Variants in TNNI3K observed in about 807,000 individuals in gnomAD.
TNNI3K encodes serine/threonine-protein kinase TNNI3K.
TNNI3K carries 140 observed loss-of-function variants against 114.5 expected under a neutral mutation model. The observed-to-expected ratio is 1.22, with a 90% CI of 1.07 to 1.41. The LOEUF (loss-of-function observed/expected upper bound fraction) is 1.41. Ranked by LOEUF, TNNI3K falls within the 40% of genes most tolerant of loss-of-function variation. TNNI3K has a pLI of 0.00. For missense variants in TNNI3K, 1,125 were observed against 1,007.6 expected, an observed-to-expected ratio of 1.12 and a Z score of -1.58; for synonymous variants, 347 against 347.5, an observed-to-expected ratio of 1.00 and a Z score of 0.02.
At chr1:74,295,326 T>C (rs962337570) in intron 5 of TNNI3K, among the ~76,000 whole-genome samples, 2 of 152,172 alleles carry the variant, frequency 1.3e-5, no homozygotes, top group Non-Finnish European at 2.9e-5. Context: ...ATGAAAAATA[T>C]GTCCATTCTT....
intron 21 of TNNI3K, chr1:74,480,523 C>A (rs762541214): frequency 1.4e-6 from 1 of 717,502 alleles, no homozygotes; most frequent in Non-Finnish European, 2.6e-6. Context: ...GAGGCAGGGG[C>A]CGGAAGGCAT....
chr1:74,477,649 AATGG>A (rs1668270672), intron 21 of TNNI3K, among the ~76,000 whole-genome samples: 1 of 152,184 alleles, frequency 6.6e-6, no homozygotes, highest in African/African-American at 2.4e-5. Context: ...ATTGTGTCTG[AATGG>A]CAGGGACCCA....
At position 74,235,805 on chromosome 1, in the gene TNNI3K, C is replaced by T. The variant is rs141022827; in HGVS notation, c.41-297C>T. Among the ~76,000 whole-genome samples the T allele has an allele frequency of 2.1e-4, 31 of 150,698 alleles. No homozygotes were observed. The East Asian group carries it at 5.4e-3, about 26-fold the overall frequency. On this transcript the variant is annotated intron_variant, in intron 1 of 24. Coordinates refer to ENST00000326637, the MANE Select transcript of TNNI3K (RefSeq NM_015978.3). The stretch of plus-strand genomic sequence containing the variant: ...TATCTAGTATTTAAAAACTAAAAAC[C>T]GTCTTGCAACTAGAGATTGCTATAA...
intron 23 of TNNI3K, among the ~76,000 whole-genome samples, chr1:74,496,100 G>T (rs1388264680): frequency 1.3e-5 from 2 of 152,144 alleles, no homozygotes; most frequent in Non-Finnish European, 2.9e-5. Flanking sequence ...AACCCATGGG[G>T]TTGGCACCCA....
chr1:74,353,271 G>T lies in TNNI3K; in HGVS notation c.938G>T (p.Cys313Phe), dbSNP rs745838057. ...IFSETAFHSA[C>F]TYGKSIDLVK... ...TTTATGGTTTTTTTTTTCAGTGCTT[G>T]TACCTATGGCAAGAGCATTGACCTA... Residue 313 changes from cysteine to phenylalanine, a missense_variant, in exon 10 of 25, where the codon TGT (cysteine) becomes TTT (phenylalanine). Physicochemically the swap from Cys to Phe is radical, Grantham distance 205. Coordinates refer to ENST00000326637, the MANE Select transcript of TNNI3K (RefSeq NM_015978.3). The T allele has an allele frequency of 6.2e-7, 1 of 1,611,460 alleles. No individual in the cohort carries two copies. Among genetic ancestry groups the T allele is most frequent in the Admixed American group, 1.7e-5 (1 of 59,666 alleles).
chr1:74,263,433 C>T (rs1400304813), intron 4 of TNNI3K, among the ~76,000 whole-genome samples: 2 of 151,908 alleles, frequency 1.3e-5, no homozygotes, highest in Admixed American at 6.6e-5. Flanking sequence ...GATATATATA[C>T]TTAATAAATT....
At chr1:74,466,181 C>T (rs1667673226) in intron 21 of TNNI3K, among the ~76,000 whole-genome samples, 1 of 152,186 alleles carries the variant, frequency 6.6e-6, no homozygotes, top group African/African-American at 2.4e-5. Flanking sequence ...GTGTAACACT[C>T]ACTGCGTGGG....
intron 11 of TNNI3K, among the ~76,000 whole-genome samples, chr1:74,363,859 A>G (rs1022620106): frequency 6.6e-6 from 1 of 151,884 alleles, no homozygotes; most frequent in African/African-American, 2.4e-5. Flanking sequence ...AGATTCCAAA[A>G]GCACTATAGG....
At chr1:74,305,607 C>CAG (rs1658583872) in intron 5 of TNNI3K, among the ~76,000 whole-genome samples, 2 of 152,142 alleles carry the variant, frequency 1.3e-5, no homozygotes, top group Non-Finnish European at 2.9e-5. Flanking sequence ...CAAGGCAAAT[C>CAG]CCCAGAGTGA....
intron 9 of TNNI3K, among the ~76,000 whole-genome samples, chr1:74,352,750 C>G (rs896190572): frequency 8.5e-5 from 13 of 152,208 alleles, no homozygotes; most frequent in African/African-American, 3.1e-4. Flanking sequence ...GCTCCGTGGG[C>G]ATAGGACCCT....
At chr1:74,306,851 G>A (rs1385963120) in intron 5 of TNNI3K, among the ~76,000 whole-genome samples, 4 of 152,062 alleles carry the variant, frequency 2.6e-5, no homozygotes, top group African/African-American at 7.2e-5. Flanking sequence ...CTGTGTAGAA[G>A]CTCTTTAGTT....
intron 17 of TNNI3K, among the ~76,000 whole-genome samples, chr1:74,389,401 G>C (rs75575751): frequency 6.6e-6 from 1 of 152,140 alleles, no homozygotes; most frequent in Admixed American, 6.5e-5. Context: ...CATTTTGTTT[G>C]AAATGCCAGC....
At chr1:74,444,894 T>C (rs1378580233) in intron 20 of TNNI3K, among the ~76,000 whole-genome samples, 8 of 150,464 alleles carry the variant, frequency 5.3e-5, no homozygotes, top group African/African-American at 2.4e-5. Flanking sequence ...TACACATCTA[T>C]AACCATCTGA....
At chr1:74,266,046 T>A (rs1655963431) in intron 4 of TNNI3K, among the ~76,000 whole-genome samples, 1 of 152,058 alleles carries the variant, frequency 6.6e-6, no homozygotes. Flanking sequence ...TATCCCAAAC[T>A]TGGTCTTCTA....
chr1:74,353,094 T>C (rs964485874), intron 9 of TNNI3K, among the ~76,000 whole-genome samples, 172 bp from the exon 10 acceptor site: 8 of 152,134 alleles, frequency 5.3e-5, no homozygotes, highest in Admixed American at 3.3e-4. Context: ...CCATCTTGGC[T>C]CCACCCCTCT....
chr1:74,237,108 C>T (rs45462000), intron 2 of TNNI3K, among the ~76,000 whole-genome samples: 34 of 151,940 alleles, frequency 2.2e-4, no homozygotes, highest in African/African-American at 8.0e-4. Context: ...AATAAAATCA[C>T]CCATGTATAA....
rs542270284 is a variant in TNNI3K at position 74,354,241 on chromosome 1, C to A, written c.1177+112C>A. ...CATGACTTGAACACTCTCATTTCTTCTGTAGATTTTACTTGAGTTTCTGGG... is the reference window on the plus strand; with the variant it reads ...CATGACTTGAACACTCTCATTTCTTATGTAGATTTTACTTGAGTTTCTGGG... On this transcript the variant is annotated intron_variant, in intron 11 of 24. Transcript: ENST00000326637. The A allele has an allele frequency of 1.1e-5, 16 of 1,512,684 alleles. No individual in the cohort carries two copies. In the East Asian group the frequency reaches 3.2e-4, roughly 30 times the overall value. 93.7% of individuals were successfully genotyped at this position (1,512,684 alleles called of 1,614,324 possible).
chr1:74,306,844 TG>T (rs1658671966), intron 5 of TNNI3K, among the ~76,000 whole-genome samples: 1 of 152,322 alleles, frequency 6.6e-6, no homozygotes, highest in East Asian at 1.9e-4. Context: ...TCTTTTGCTG[TG>T]TAGAAGCTCT....
chr1:74,301,080 C>T (rs1323541900), intron 5 of TNNI3K, among the ~76,000 whole-genome samples: 1 of 152,056 alleles, frequency 6.6e-6, no homozygotes, highest in Non-Finnish European at 1.5e-5. Context: ...AATACATACA[C>T]ATATTTCTCT....
Sources: gnomAD v4.1 joint callset for allele counts (sites outside exome capture counted in the v4.1 genomes callset) on GRCh38, gnomAD v4.1.1 for gene constraint, MANE v1.5 for transcripts, NCBI Gene and HGNC (gene_info 2026-07-23, HGNC 2026-07-21) for gene names.